Variants in C21orf91 observed in about 807,000 individuals in gnomAD.
The protein encoded by C21orf91 is chromosome 21 open reading frame 91.
A neutral mutation model predicts 32.9 loss-of-function variants in C21orf91; 26 were observed. That is an observed-to-expected ratio of 0.79 (90% CI 0.58 to 1.10). The LOEUF (loss-of-function observed/expected upper bound fraction) is 1.10, where lower values mean the gene tolerates loss of function less well. Among genes scored for constraint, C21orf91 ranks in the 50% least tolerant of loss-of-function variants. The pLI, the probability that C21orf91 is intolerant of heterozygous loss-of-function variation, is 0.00. For missense variants in C21orf91, 310 were observed against 341.3 expected (o/e 0.91, Z 0.72); for synonymous variants, 126 against 120.4 (o/e 1.05, Z -0.31).
intron 2 of C21orf91, chr21:17,817,719 T>C (rs2062673637): frequency 6.6e-6 from 1 of 152,196 alleles, no homozygotes; most frequent in Non-Finnish European, 1.5e-5. Context: ...GTGTGATCAC[T>C]GAAAAGAGGT....
intron 2 of C21orf91, among the ~76,000 whole-genome samples, chr21:17,817,139 T>C (rs935517783): frequency 2.6e-5 from 4 of 152,198 alleles, no homozygotes; most frequent in African/African-American, 9.7e-5. Context: ...TGAAATTAGC[T>C]ATAATCACTA....
At position 17,789,373 on chromosome 21, in the gene C21orf91, G is replaced by C. The variant is rs539064772; in HGVS notation, c.*4042C>G. 6.6e-6 allele frequency: 1 copy of C among 151,934 alleles called. No individual in the cohort carries two copies. The highest frequency in any genetic ancestry group is 1.5e-5 in the Non-Finnish European group (1 of 67,984). The allele number at this position is 151,934 out of a possible 1,614,324, so 9.4% of individuals were successfully genotyped here. On this transcript the variant is annotated 3_prime_UTR_variant, in exon 5 of 5. Coordinates refer to ENST00000284881, the MANE Select transcript of C21orf91 (RefSeq NM_001100420.2). The stretch of plus-strand genomic sequence containing the variant: ...GGTGAAAGAAAAACATTCTAGATGC[G>C]TCTGAAAGAAACAAGGTACACACAC...
chr21:17,815,716 G>A (rs909435861), intron 2 of C21orf91, among the ~76,000 whole-genome samples: 14 of 151,684 alleles, frequency 9.2e-5, no homozygotes, highest in African/African-American at 3.1e-4. Flanking sequence ...GATGGAGTGC[G>A]ATGGCACAAT....
At chr21:17,794,303 G>T (rs1484832277) in intron 4 of C21orf91, among the ~76,000 whole-genome samples, 1 of 152,162 alleles carries the variant, frequency 6.6e-6, no homozygotes, top group African/African-American at 2.4e-5. Context: ...AAATTGAAAA[G>T]GAGACAACTG....
intron 2 of C21orf91, among the ~76,000 whole-genome samples, chr21:17,806,415 G>A (rs2062594181): frequency 6.6e-6 from 1 of 152,164 alleles, no homozygotes; most frequent in Non-Finnish European, 1.5e-5. Flanking sequence ...TTTTAAAATG[G>A]GAGACATGAA....
intron 2 of C21orf91, among the ~76,000 whole-genome samples, chr21:17,797,441 A>G (rs1321587472): frequency 6.6e-6 from 1 of 152,060 alleles, no homozygotes; most frequent in East Asian, 1.9e-4. Context: ...TGGCCTTTAC[A>G]TTATAGTGCT....
At chr21:17,818,016 G>T (rs148358801) in intron 2 of C21orf91, 176 bp downstream of exon 2, 4 of 421,404 alleles carry the variant, frequency 9.5e-6, no homozygotes, top group Non-Finnish European at 1.7e-5. Flanking sequence ...TCTTAAATTC[G>T]TAACTCTGTT....
At position 17,792,452 on chromosome 21, in the gene C21orf91, A is replaced by G. The variant is rs1403072233; in HGVS notation, c.*963T>C. ...TTTAAGTATTCTTGAAACTTTACCC[A>G]AAGTGGCACACAAAATAATCTTACT... On this transcript the variant is annotated 3_prime_UTR_variant, in exon 5 of 5. Transcript: ENST00000284881. 1 of 150,488 alleles carries G rather than the reference A, an allele frequency of 6.6e-6. No homozygotes were observed. Among genetic ancestry groups the G allele is most frequent in the Non-Finnish European group, 1.5e-5 (1 of 67,838 alleles). The allele number at this position is 150,488 out of a possible 1,614,324, so 9.3% of individuals were successfully genotyped here. A position where few individuals can be genotyped will look rare whatever the true frequency, so the allele number is the denominator to read the frequency against.
Position 17,797,132 on chromosome 21 carries a change from A to G in C21orf91, c.128-14T>C. The G allele has an allele frequency of 1.3e-6, 2 of 1,534,450 alleles. No homozygotes were observed. Among genetic ancestry groups the G allele is most frequent in the Non-Finnish European group, 1.8e-6 (2 of 1,141,380 alleles). On this transcript the variant is annotated splice_polypyrimidine_tract_variant and intron_variant, in intron 2 of 4. Transcript: ENST00000284881. ...ACTTTGGTACCCCTATGGAAAAAAA[A>G]GAGAAACAAAAGACTTGAGAAATTT...
intron 2 of C21orf91, among the ~76,000 whole-genome samples, chr21:17,805,476 G>A (rs1039375582): frequency 1.3e-5 from 2 of 152,058 alleles, no homozygotes; most frequent in African/African-American, 4.8e-5. Flanking sequence ...ACCACACCTG[G>A]GTAGTTTTTG....
In C21orf91 at chr21:17,789,994, T is replaced by C. The variant is rs149878382; in HGVS notation, c.*3421A>G. The C allele has an allele frequency of 3.7e-4, 57 of 152,236 alleles. No homozygotes were observed. The East Asian group carries it at 8.3e-3, about 22-fold the overall frequency. The allele number at this position is 152,236 out of a possible 1,614,324, so 9.4% of individuals were successfully genotyped here. On this transcript the variant is annotated 3_prime_UTR_variant, in exon 5 of 5. Coordinates refer to ENST00000284881, the MANE Select transcript of C21orf91 (RefSeq NM_001100420.2). ...TACATCTGAACAAAAAGTATTAACT[T>C]TTTTATAGCGTATTACACTTCTTAA...
At chr21:17,806,448 C>T (rs2062594459) in intron 2 of C21orf91, among the ~76,000 whole-genome samples, 1 of 152,094 alleles carries the variant, frequency 6.6e-6, no homozygotes, top group South Asian at 2.1e-4. Context: ...GCTAATCATT[C>T]TTTTGGCCAA....
intron 2 of C21orf91, among the ~76,000 whole-genome samples, chr21:17,810,220 C>T (rs2062623445): frequency 6.6e-6 from 1 of 152,068 alleles, no homozygotes; most frequent in Non-Finnish European, 1.5e-5. Context: ...TGCTCATTTC[C>T]CATAATATAG....
intron 2 of C21orf91, among the ~76,000 whole-genome samples, chr21:17,807,881 T>C (rs939897467): frequency 3.3e-5 from 5 of 152,210 alleles, no homozygotes; most frequent in Non-Finnish European, 7.3e-5. Flanking sequence ...TATGGTCATA[T>C]ATGTGAACAA....
Position 17,818,320 on chromosome 21 carries a change from G to A in C21orf91, c.-2C>T. 6.2e-7 allele frequency: 1 copy of A among 1,605,946 alleles called. No individual in the cohort carries two copies. The highest frequency in any genetic ancestry group is 8.5e-7 in the Non-Finnish European group (1 of 1,175,748). ...TACAAACTGCTCCTCTTCGTTCATA[G>A]TGCCCCTATTAAGAAACAGAAAAGG... On this transcript the variant is annotated 5_prime_UTR_variant, in exon 2 of 5. Coordinates refer to ENST00000284881, the MANE Select transcript of C21orf91 (RefSeq NM_001100420.2).
chr21:17,816,343 T>C (rs929288389), intron 2 of C21orf91, among the ~76,000 whole-genome samples: 1 of 152,200 alleles, frequency 6.6e-6, no homozygotes, highest in African/African-American at 2.4e-5. Context: ...TTTAAAAAGC[T>C]AGAAAAGCAA....
chr21:17,796,543 A>T (rs1251109543), intron 3 of C21orf91, 39 bp downstream of exon 3: 1 of 1,538,278 alleles, frequency 6.5e-7, no homozygotes, highest in African/African-American at 1.4e-5. Flanking sequence ...CAAAAATCCC[A>T]AACCACCCAA....
chr21:17,806,952 C>T (rs544121775), intron 2 of C21orf91, among the ~76,000 whole-genome samples: 3 of 152,230 alleles, frequency 2.0e-5, no homozygotes, highest in African/African-American at 7.2e-5. Context: ...TATATTCACT[C>T]TCAACTGAGA....
chr21:17,794,783 G>A (rs997286511), intron 4 of C21orf91, among the ~76,000 whole-genome samples: 53 of 152,094 alleles, frequency 3.5e-4, no homozygotes, highest in Non-Finnish European at 2.2e-4. Flanking sequence ...AAAGAAAAAT[G>A]TGGCTGGGCG....
Sources: gnomAD v4.1 joint callset for allele counts (sites outside exome capture counted in the v4.1 genomes callset) on GRCh38, gnomAD v4.1.1 for gene constraint, MANE v1.5 for transcripts, NCBI Gene and HGNC (gene_info 2026-07-23, HGNC 2026-07-21) for gene names.